FTO: variants seen among roughly 807,000 people sequenced by gnomAD.
FTO encodes alpha-ketoglutarate-dependent dioxygenase FTO.
FTO carries 47 observed loss-of-function variants against 63.9 expected under a neutral mutation model. The ratio of observed to expected loss-of-function variants is 0.74; its 90% CI spans 0.58 to 0.94. The LOEUF is 0.94. Among genes scored for constraint, FTO ranks in the 40% least tolerant of loss-of-function variants. FTO has a pLI of 0.00. For synonymous variants in FTO, 207 were observed against 224.4 expected (o/e 0.92, Z 0.69); for missense variants, 562 against 618.1 (o/e 0.91, Z 0.96).
chr16:53,979,952 C>T (rs2083505880), intron 8 of FTO, among the ~76,000 whole-genome samples: 1 of 152,192 alleles, frequency 6.6e-6, no homozygotes, highest in East Asian at 1.9e-4. Context: ...AGCACATTGG[C>T]TTATTCAATC....
Position 54,006,958 on chromosome 16 carries a change from G to A in FTO, c.1364+72849G>A, listed in dbSNP as rs533437803. ...GTCAACATCGGGCTTGCTTTTGGGT[G>A]AGCCAGACTTTGGCTGGTTTCCTGA... On this transcript the variant is annotated intron_variant, in intron 8 of 8. Coordinates refer to ENST00000471389, the MANE Select transcript of FTO (RefSeq NM_001080432.3). Among the ~76,000 whole-genome samples, 5 of 152,322 alleles carry A rather than the reference G, an allele frequency of 3.3e-5. No individual in the cohort carries two copies. In the East Asian group the frequency reaches 9.6e-4, roughly 29 times the overall value.
rs57004473 is a variant in FTO at position 53,852,101 on chromosome 16, C to CAAAAAAAAAAAAAAAAAAAAAA, written c.895+7822_895+7823insAAAAAAAAAAAAAAAAAAAAAA. Among the ~76,000 whole-genome samples the CAAAAAAAAAAAAAAAAAAAAAA allele has an allele frequency of 4.6e-4, 25 of 54,430 alleles. 3 individuals are homozygous for CAAAAAAAAAAAAAAAAAAAAAA. The highest frequency in any genetic ancestry group is 1.1e-3 in the Admixed American group (5 of 4,386). The allele number at this position is 54,430 out of a possible 152,430, so 35.7% of individuals were successfully genotyped here. ...CAAAACTCTGTCTCTACAAAAAATA[C>CAAAAAAAAAAAAAAAAAAAAAA]AAAAAAAAAAAAAAAAAAAGCCAGG... is the stretch of plus-strand genomic sequence containing the variant. On this transcript the variant is annotated intron_variant, in intron 4 of 8. Transcript: ENST00000471389.
intron 8 of FTO, among the ~76,000 whole-genome samples, chr16:54,048,348 G>T (rs2085234038): frequency 6.6e-6 from 1 of 151,802 alleles, no homozygotes; most frequent in South Asian, 2.1e-4. Context: ...TGCCATCTGG[G>T]TAGGTCTCCC....
At chr16:53,917,881 A>T (rs1461533950) in intron 7 of FTO, among the ~76,000 whole-genome samples, 1 of 152,192 alleles carries the variant, frequency 6.6e-6, no homozygotes, top group Non-Finnish European at 1.5e-5. Context: ...TCTAAGGACA[A>T]GTACAGCAAC....
intron 8 of FTO, among the ~76,000 whole-genome samples, chr16:54,032,113 T>A (rs2084847324): frequency 6.6e-6 from 1 of 152,210 alleles, no homozygotes; most frequent in South Asian, 2.1e-4. Context: ...CAGATTAGTC[T>A]AGTGGGCAGT....
At chr16:53,915,465 G>T (rs1285921607) in intron 7 of FTO, among the ~76,000 whole-genome samples, 2 of 152,166 alleles carry the variant, frequency 1.3e-5, no homozygotes, top group Admixed American at 1.3e-4. Flanking sequence ...TGTATTGTTT[G>T]GTGGGCAACA....
At chr16:53,739,778 A>G (rs553666292) in intron 1 of FTO, among the ~76,000 whole-genome samples, 4 of 152,116 alleles carry the variant, frequency 2.6e-5, no homozygotes, top group African/African-American at 7.2e-5. Context: ...TAATTCTCCT[A>G]ATATAAAATG....
rs1363923888 is a variant in FTO, at chr16:54,060,928, G to A, written c.1365-50834G>A. ...AATACTCTGGCTCAGAGAAAATTTC[G>A]CCCTGGCCCTGCAATGATGAGATAA... On this transcript the variant is annotated intron_variant, in intron 8 of 8. Coordinates refer to ENST00000471389, the MANE Select transcript of FTO (RefSeq NM_001080432.3). 2.6e-5 allele frequency among the ~76,000 whole-genome samples: 4 copies of A among 152,112 alleles called. No individual in the cohort carries two copies. In the South Asian group the frequency reaches 6.2e-4, roughly 24 times the overall value.
At chr16:54,055,979 G>T (rs1192632418) in intron 8 of FTO, among the ~76,000 whole-genome samples, 1 of 152,212 alleles carries the variant, frequency 6.6e-6, no homozygotes, top group Non-Finnish European at 1.5e-5. Context: ...TTCCCCACTG[G>T]AGAGAGGAAG....
intron 8 of FTO, among the ~76,000 whole-genome samples, chr16:54,084,748 C>G (rs1306916438): frequency 6.6e-6 from 1 of 152,144 alleles, no homozygotes; most frequent in African/African-American, 2.4e-5. Context: ...TCCTGTGATG[C>G]TGCACACACA....
chr16:53,721,165 C>T (rs1427934080), intron 1 of FTO, among the ~76,000 whole-genome samples: 3 of 152,188 alleles, frequency 2.0e-5, no homozygotes, highest in Non-Finnish European at 2.9e-5. Context: ...GCCCCAATCA[C>T]GTTGCTTCTC....
At chr16:53,849,880 G>C (rs2079736501) in intron 4 of FTO, among the ~76,000 whole-genome samples, 1 of 152,140 alleles carries the variant, frequency 6.6e-6, no homozygotes, top group Admixed American at 6.6e-5. Flanking sequence ...AAATCCTCCA[G>C]GTGTCCCTCA....
In FTO at chr16:53,934,109, G is replaced by A. The variant is rs755686716; in HGVS notation, c.1364G>A (p.Arg455Lys). 3 of 1,614,116 alleles carry A rather than the reference G, an allele frequency of 1.9e-6. No individual in the cohort carries two copies. The highest frequency in any genetic ancestry group is 3.3e-5 in the Admixed American group (2 of 60,026). The change falls in exon 8 of 9, where the codon AGG (arginine) becomes AAG (lysine). Residue 455 changes from arginine to lysine, a missense_variant and splice_region_variant. By Grantham distance (26) the Arg-to-Lys change is conservative (BLOSUM62 2). Coordinates refer to ENST00000471389, the MANE Select transcript of FTO (RefSeq NM_001080432.3). ...RQNLRREWHA[R>K]CQSRIARTLP... ...AACCTGAGGAGAGAATGGCATGCCAGGTTAGTTCTGTTGTGAAATGGGATT... is the reference window on the plus strand; with the variant it reads ...AACCTGAGGAGAGAATGGCATGCCAAGTTAGTTCTGTTGTGAAATGGGATT...
chr16:53,937,820 G>A (rs1599036391), intron 8 of FTO: 1 of 152,224 alleles, frequency 6.6e-6, no homozygotes, highest in Non-Finnish European at 1.5e-5. Flanking sequence ...TTTGAAAAGT[G>A]CTCCAAAGAA....
intron 8 of FTO, among the ~76,000 whole-genome samples, chr16:53,950,905 G>A (rs562167203): frequency 5.9e-5 from 9 of 152,218 alleles, no homozygotes; most frequent in East Asian, 1.9e-4. Flanking sequence ...ACTCAGGTGC[G>A]GTGCACCTAG....
At chr16:53,769,951 G>GT (rs1157609802) in intron 1 of FTO, among the ~76,000 whole-genome samples, 1 of 152,032 alleles carries the variant, frequency 6.6e-6, no homozygotes, top group African/African-American at 2.4e-5. Context: ...GTGTTTAGGG[G>GT]TTTTTTATGG....
chr16:53,743,317 G>C lies in FTO; in HGVS notation c.45+39088G>C, dbSNP rs16952497. ...TCTCCCAGTCGATGGTTGTGGCTTT[G>C]TCCTGTGCCACCTCTTAGAAGGAAC... is the stretch of plus-strand genomic sequence containing the variant. On this transcript the variant is annotated intron_variant, in intron 1 of 8. Transcript: ENST00000471389. Among the ~76,000 whole-genome samples, 1,482 of 152,114 alleles carry C rather than the reference G, an allele frequency of 9.7e-3. 22 individuals carry two copies. The highest frequency in any genetic ancestry group is 0.041 in the East Asian group (210 of 5,180).
intron 8 of FTO, among the ~76,000 whole-genome samples, chr16:54,064,466 G>A (rs1286520946): frequency 1.3e-5 from 2 of 152,136 alleles, no homozygotes; most frequent in Non-Finnish European, 2.9e-5. Context: ...ATTTCCAGAA[G>A]CCTTATTAAA....
chr16:53,713,205 ACTCTTC>A (rs2075817134), intron 1 of FTO, among the ~76,000 whole-genome samples: 1 of 151,988 alleles, frequency 6.6e-6, no homozygotes, highest in Non-Finnish European at 1.5e-5. Context: ...GAGAAACAAG[ACTCTTC>A]TGTTCAACAC....
Sources: allele counts gnomAD v4.1 joint callset (sites outside exome capture counted in the v4.1 genomes callset), GRCh38; gene constraint gnomAD v4.1.1; transcripts MANE v1.5; gene names NCBI Gene and HGNC (gene_info 2026-07-23, HGNC 2026-07-21).